PEBP4: variants seen among roughly 807,000 people sequenced by gnomAD.
PEBP4 encodes the protein phosphatidylethanolamine-binding protein 4.
In PEBP4, 22 loss-of-function variants were observed where a neutral mutation model predicts 23.9. That is an observed-to-expected ratio of 0.92 (90% CI 0.66 to 1.31). The LOEUF (loss-of-function observed/expected upper bound fraction) is 1.31. Ranked by LOEUF, PEBP4 falls within the 40% of genes most tolerant of loss-of-function variation. The probability of loss-of-function intolerance (pLI) is 0.00; values close to 1 mark genes in which losing one functional copy is unlikely to be tolerated. For synonymous variants in PEBP4, 112 were observed against 99.3 expected (o/e 1.13, Z -0.76); for missense variants, 324 against 281.7 (o/e 1.15, Z -1.07).
intron 3 of PEBP4, among the ~76,000 whole-genome samples, chr8:22,891,451 CTT>C (rs772108167): frequency 3.9e-5 from 6 of 152,174 alleles, no homozygotes; most frequent in Non-Finnish European, 7.3e-5. Flanking sequence ...ATTTTGGCCT[CTT>C]GGGCTGGTGT....
chr8:22,919,793 C>T (rs531177035), intron 3 of PEBP4, among the ~76,000 whole-genome samples: 7 of 152,254 alleles, frequency 4.6e-5, no homozygotes, highest in Admixed American at 3.9e-4. Flanking sequence ...CCAGGCACCC[C>T]GCGCCTTGAG....
rs28636041 is a variant in PEBP4 at position 22,857,208 on chromosome 8, T to C, written c.259-39473A>G. Among the ~76,000 whole-genome samples the C allele has an allele frequency of 2.5e-3, 377 of 151,854 alleles. 2 individuals carry two copies. The highest frequency in any genetic ancestry group is 8.9e-3 in the African/African-American group (367 of 41,382). ...AAAATCTGGGTAGTCCAAATTTTTATAGTGGACATTTCCTACTTTAAAAAA... is the reference window on the plus strand; with the variant it reads ...AAAATCTGGGTAGTCCAAATTTTTACAGTGGACATTTCCTACTTTAAAAAA... On this transcript the variant is annotated intron_variant, in intron 3 of 6. Transcript: ENST00000256404.
In PEBP4 at chr8:22,865,728, TC is replaced by T. The variant is rs1167745133; in HGVS notation, c.259-47994del. On this transcript the variant is annotated intron_variant, in intron 3 of 6. Transcript: ENST00000256404. The surrounding 1 kb of genome is among the most constrained non-coding windows in gnomAD (Gnocchi z 6.9). ...TCCCAGAGGAAAGGGGAGAGGAATC[TC>T]CCCACCGGATCTGGTGGGCGGAAGA... Among the ~76,000 whole-genome samples the T allele has an allele frequency of 2.6e-5, 4 of 151,864 alleles. No individual in the cohort carries two copies. The highest frequency in any genetic ancestry group is 9.7e-5 in the African/African-American group (4 of 41,416).
At chr8:22,746,957 C>CT (rs1392241023) in intron 4 of PEBP4, among the ~76,000 whole-genome samples, 1 of 152,168 alleles carries the variant, frequency 6.6e-6, no homozygotes, top group Non-Finnish European at 1.5e-5. Context: ...TCCCAAGCAG[C>CT]TGGGACTATG....
chr8:22,718,799 G>T (rs201056569), intron 6 of PEBP4, among the ~76,000 whole-genome samples: 1 of 150,884 alleles, frequency 6.6e-6, no homozygotes, highest in African/African-American at 2.5e-5. Context: ...GTCTGAGGGC[G>T]GGGGCTGGTC....
chr8:22,852,331 G>T (rs1563237436), intron 3 of PEBP4, among the ~76,000 whole-genome samples: 1 of 152,086 alleles, frequency 6.6e-6, no homozygotes, highest in Non-Finnish European at 1.5e-5. Flanking sequence ...TTGTAGTGAG[G>T]CAAGAAGTTG....
At chr8:22,762,142 A>T (rs1436473550) in intron 4 of PEBP4, among the ~76,000 whole-genome samples, 5 of 152,116 alleles carry the variant, frequency 3.3e-5, no homozygotes, top group South Asian at 2.1e-4. Flanking sequence ...GAAACAATAT[A>T]CCCTTCATTA....
At chr8:22,758,907 G>T (rs1805445928) in intron 4 of PEBP4, among the ~76,000 whole-genome samples, 1 of 152,126 alleles carries the variant, frequency 6.6e-6, no homozygotes, top group Non-Finnish European at 1.5e-5. Context: ...ACAGAAAGAG[G>T]AGTGAAGTCC....
At chr8:22,781,860 C>T (rs1805923757) in intron 4 of PEBP4, among the ~76,000 whole-genome samples, 1 of 152,222 alleles carries the variant, frequency 6.6e-6, no homozygotes, top group South Asian at 2.1e-4. Flanking sequence ...GGGGAGCCAA[C>T]CAGGCATCTT....
chr8:22,897,035 G>T (rs926871573), intron 3 of PEBP4, among the ~76,000 whole-genome samples: 1 of 149,010 alleles, frequency 6.7e-6, no homozygotes, highest in Non-Finnish European at 1.5e-5. Context: ...GTATGTGTGT[G>T]TGTGTGTGTG....
intron 2 of PEBP4, chr8:22,925,223 T>C: frequency 1.0e-6 from 1 of 985,464 alleles, no homozygotes; most frequent in Non-Finnish European, 1.2e-6. Flanking sequence ...AAAGACATCT[T>C]CCTGGCATGC....
At chr8:22,861,854 TATA>T (rs1205552421) in intron 3 of PEBP4, among the ~76,000 whole-genome samples, 1 of 152,152 alleles carries the variant, frequency 6.6e-6, no homozygotes, top group Non-Finnish European at 1.5e-5. Context: ...AGTTGCCACT[TATA>T]ATAACCTAGT....
At chr8:22,797,010 C>T (rs1806274663) in intron 4 of PEBP4, among the ~76,000 whole-genome samples, 1 of 150,652 alleles carries the variant, frequency 6.6e-6, no homozygotes, top group African/African-American at 2.4e-5. Context: ...AATCCCAGCA[C>T]TTTGGGAGGC....
intron 4 of PEBP4, among the ~76,000 whole-genome samples, chr8:22,773,723 G>A (rs966754383): frequency 3.9e-5 from 6 of 152,152 alleles, no homozygotes; most frequent in African/African-American, 7.2e-5. Flanking sequence ...GGGAGCGGGT[G>A]GGGGCTGAGC....
At chr8:22,838,751 G>A (rs574402018) in intron 3 of PEBP4, among the ~76,000 whole-genome samples, 10 of 152,372 alleles carry the variant, frequency 6.6e-5, no homozygotes, top group East Asian at 3.9e-4. Flanking sequence ...GGCCTAAGCC[G>A]CCGCAGTCGC....
chr8:22,713,798 CT>C (rs1353978587), intron 6 of PEBP4, among the ~76,000 whole-genome samples: 1 of 152,198 alleles, frequency 6.6e-6, no homozygotes, highest in Non-Finnish European at 1.5e-5. Flanking sequence ...TTGAGAATGT[CT>C]GAATCTCCTT....
At chr8:22,743,494 G>T (rs529042313) in intron 4 of PEBP4, among the ~76,000 whole-genome samples, 1 of 152,222 alleles carries the variant, frequency 6.6e-6, no homozygotes, top group African/African-American at 2.4e-5. Flanking sequence ...CATCCTGGGG[G>T]CTGAGCCAGG....
chr8:22,791,777 C>T (rs1375436743), intron 4 of PEBP4, among the ~76,000 whole-genome samples: 1 of 152,198 alleles, frequency 6.6e-6, no homozygotes, highest in Non-Finnish European at 1.5e-5. Flanking sequence ...CTTCATTAAA[C>T]ACTGTCCTAG....
chr8:22,746,336 G>A (rs1286532225), intron 4 of PEBP4, among the ~76,000 whole-genome samples: 1 of 152,140 alleles, frequency 6.6e-6, no homozygotes, highest in African/African-American at 2.4e-5. Flanking sequence ...GGGCACTTTG[G>A]GTCTGGAAAG....
Sources: allele counts gnomAD v4.1 joint callset (sites outside exome capture counted in the v4.1 genomes callset), GRCh38; gene constraint gnomAD v4.1.1; non-coding constraint Gnocchi (gnomAD v3.1); transcripts MANE v1.5; gene names NCBI Gene and HGNC (gene_info 2026-07-23, HGNC 2026-07-21).